MBNL3: variants seen among roughly 807,000 people sequenced by gnomAD.
MBNL3 encodes the protein muscleblind like splicing regulator 3.
MBNL3 carries 6 observed loss-of-function variants against 24.5 expected under a neutral mutation model. The observed-to-expected ratio is 0.25, with a 90% CI of 0.13 to 0.48. The LOEUF is 0.48. Ranked by LOEUF, MBNL3 falls within the 20% of genes least tolerant of loss-of-function variation. The pLI is 0.99. For synonymous variants in MBNL3, 100 were observed against 101.7 expected (o/e 0.98, Z 0.10); for missense variants, 230 against 293.5 (o/e 0.78, Z 1.58).
chrX:132,425,551 G>A (rs1479202928), intron 2 of MBNL3, among the ~76,000 whole-genome samples: 3 of 111,256 alleles, frequency 2.7e-5, no homozygotes, highest in Non-Finnish European at 3.8e-5. Flanking sequence ...TTTAGAACAA[G>A]AGTTCTTTAT....
intron 1 of MBNL3, among the ~76,000 whole-genome samples, chrX:132,481,801 A>C (rs750347114): frequency 2.7e-5 from 3 of 111,216 alleles, no homozygotes; most frequent in Non-Finnish European, 5.7e-5. Flanking sequence ...TAGAAAGCAA[A>C]AGCATTCTGC....
chrX:132,390,994 C>T lies in MBNL3; in HGVS notation c.624G>A (p.Ala208=). ...AHPTDASMIE[A]SDNTVTICMD... ...TGCAGATTGTCACAGTATTATCACT[C>T]GCTTCAATCATGGAAGCATCAGTAG... Residue 208 remains alanine (A), a synonymous_variant, in exon 5 of 9, where the codon GCG becomes GCA. Coordinates refer to ENST00000370853, the MANE Select transcript of MBNL3 (RefSeq NM_001386889.1). 1 of 1,210,787 alleles carries T rather than the reference C, an allele frequency of 8.3e-7. No individual in the cohort carries two copies. The highest frequency in any genetic ancestry group is 1.8e-5 in the South Asian group (1 of 56,942).
chrX:132,433,010 G>A (rs779824406), intron 2 of MBNL3: 1 of 111,836 alleles, frequency 8.9e-6, no homozygotes, highest in South Asian at 3.7e-4. Flanking sequence ...AAAAATATAC[G>A]TATCAGTAGA....
At chrX:132,469,642 A>G (rs986728204) in intron 1 of MBNL3, among the ~76,000 whole-genome samples, 1 of 112,501 alleles carries the variant, frequency 8.9e-6, no homozygotes, top group African/African-American at 3.2e-5. Context: ...TAAGTTTGTA[A>G]TTCTAAAATG....
At position 132,387,555 on chromosome X, in the gene MBNL3, T is replaced by C. The variant is rs768389518; in HGVS notation, c.772-744A>G. Among the ~76,000 whole-genome samples, 3 of 111,271 alleles carry C rather than the reference T, an allele frequency of 2.7e-5. No homozygotes were observed. In the East Asian group the frequency reaches 8.5e-4, roughly 32 times the overall value. On this transcript the variant is annotated intron_variant, in intron 5 of 8. Coordinates refer to ENST00000370853, the MANE Select transcript of MBNL3 (RefSeq NM_001386889.1). ...ATACAGATCTAGGACATAAATGGCA[T>C]ATAGGTGATAAAACAGATGTTGGTA... is the stretch of plus-strand genomic sequence containing the variant.
At chrX:132,422,697 C>T (rs1250300722) in intron 2 of MBNL3, among the ~76,000 whole-genome samples, 1 of 111,921 alleles carries the variant, frequency 8.9e-6, no homozygotes, top group South Asian at 3.7e-4. Context: ...AGAGGAACAA[C>T]ACAGAATCCT....
At chrX:132,464,542 A>G (rs1175752762) in intron 1 of MBNL3, among the ~76,000 whole-genome samples, 2 of 112,363 alleles carry the variant, frequency 1.8e-5, no homozygotes, top group African/African-American at 6.5e-5. Flanking sequence ...GGAACTCAGA[A>G]GTGAAACTTA....
At chrX:132,397,777 TCA>T (rs1370483431) in intron 3 of MBNL3, among the ~76,000 whole-genome samples, 1 of 111,232 alleles carries the variant, frequency 9.0e-6, no homozygotes, top group Non-Finnish European at 1.9e-5. Flanking sequence ...GACTTCACTT[TCA>T]CACAGAGTAC....
chrX:132,387,340 C>CA (rs397895685), intron 5 of MBNL3, among the ~76,000 whole-genome samples: 777 of 74,308 alleles, frequency 0.01, 10 homozygotes, highest in African/African-American at 0.033. Context: ...AAAAAAAATG[C>CA]AAAAAAAAAA....
intron 2 of MBNL3, among the ~76,000 whole-genome samples, chrX:132,422,817 GGA>G (rs1402924457): frequency 9.0e-6 from 1 of 111,461 alleles, no homozygotes; most frequent in Non-Finnish European, 1.9e-5. Context: ...AGAATTACCG[GGA>G]GAGTTTCTTG....
At chrX:132,433,900 T>C (rs1944945412) in intron 2 of MBNL3, among the ~76,000 whole-genome samples, 1 of 111,960 alleles carries the variant, frequency 8.9e-6, no homozygotes, top group African/African-American at 3.3e-5. Flanking sequence ...GGAATGTTCT[T>C]AGAAATCCTC....
At chrX:132,415,971 C>CTA (rs905020580) in intron 2 of MBNL3, among the ~76,000 whole-genome samples, 1 of 109,481 alleles carries the variant, frequency 9.1e-6, no homozygotes, top group South Asian at 3.8e-4. Flanking sequence ...AGCACAGCCA[C>CTA]TATATATATA....
chrX:132,453,479 G>A (rs1201995708), intron 1 of MBNL3, among the ~76,000 whole-genome samples: 1 of 111,559 alleles, frequency 9.0e-6, no homozygotes, highest in Non-Finnish European at 1.9e-5. Flanking sequence ...AAAAGGTTGG[G>A]AAACAGAAAA....
At chrX:132,469,077 T>C (rs1300530250) in intron 1 of MBNL3, among the ~76,000 whole-genome samples, 1 of 112,413 alleles carries the variant, frequency 8.9e-6, no homozygotes, top group Non-Finnish European at 1.9e-5. Flanking sequence ...AGTGAGCATC[T>C]TGTTACTGGA....
In MBNL3 at chrX:132,379,550, C is replaced by T; in HGVS notation, c.*116G>A. On this transcript the variant is annotated 3_prime_UTR_variant, in exon 9 of 9. Transcript: ENST00000370853. ...GCTGGCAGGTTTGCTTTGCTTAATA[C>T]ATTGACTGCAACACGCTTATTGTTG... 1.3e-6 allele frequency: 1 copy of T among 769,456 alleles called. No homozygotes were observed. The highest frequency in any genetic ancestry group is 1.8e-6 in the Non-Finnish European group (1 of 547,492). The allele number at this position is 769,456 out of a possible 1,213,427, so 63.4% of individuals were successfully genotyped here.
At chrX:132,397,817 T>G (rs1237965189) in intron 3 of MBNL3, among the ~76,000 whole-genome samples, 2 of 110,918 alleles carry the variant, frequency 1.8e-5, no homozygotes, top group African/African-American at 6.5e-5. Context: ...TTCACAGTAT[T>G]TGCTTGGTCA....
At chrX:132,455,230 G>T (rs1362647523) in intron 1 of MBNL3, among the ~76,000 whole-genome samples, 1 of 111,753 alleles carries the variant, frequency 8.9e-6, no homozygotes, top group Non-Finnish European at 1.9e-5. Context: ...CTGGAAAGGA[G>T]ATTGGTTTAA....
chrX:132,481,472 G>C (rs1947731876), intron 1 of MBNL3, among the ~76,000 whole-genome samples: 1 of 111,957 alleles, frequency 8.9e-6, no homozygotes, highest in Non-Finnish European at 1.9e-5. Context: ...CAATTTTCAT[G>C]TGCCTGATTA....
Position 132,483,099 on chromosome X carries a change from A to AT in MBNL3, c.-704+5751dup, listed in dbSNP as rs1375746533. On this transcript the variant is annotated intron_variant, in intron 1 of 8. Coordinates refer to ENST00000370853, the MANE Select transcript of MBNL3 (RefSeq NM_001386889.1). The stretch of plus-strand genomic sequence containing the variant: ...CTGACATAAAGGAGTTGGGAGTTTA[A>AT]TTTTTTCTCAAAATCACTTCTGAAA... 4.5e-5 allele frequency among the ~76,000 whole-genome samples: 5 copies of AT among 112,306 alleles called. No individual in the cohort carries two copies. The East Asian group carries it at 1.4e-3, about 31-fold the overall frequency.
Sources: gnomAD v4.1 joint callset for allele counts (sites outside exome capture counted in the v4.1 genomes callset) on GRCh38, gnomAD v4.1.1 for gene constraint, MANE v1.5 for transcripts, NCBI Gene and HGNC (gene_info 2026-07-23, HGNC 2026-07-21) for gene names.